GABPB2: variants seen among roughly 807,000 people sequenced by gnomAD.
GABPB2 encodes GA-binding protein subunit beta-2.
GABPB2 carries 23 observed loss-of-function variants against 39.1 expected under a neutral mutation model. That is an observed-to-expected ratio of 0.59 (90% CI 0.42 to 0.83). The LOEUF is 0.83. Ranked by LOEUF, GABPB2 falls within the 40% of genes least tolerant of loss-of-function variation. The pLI, the probability that GABPB2 is intolerant of heterozygous loss-of-function variation, is 0.00. For missense variants in GABPB2, 467 were observed against 541.1 expected, an observed-to-expected ratio of 0.86 and a Z score of 1.36; for synonymous variants, 184 against 199.3, an observed-to-expected ratio of 0.92 and a Z score of 0.65.
chr1:151,098,124 G>T, intron 5 of GABPB2, 122 bp downstream of exon 5: 1 of 806,154 alleles, frequency 1.2e-6, no homozygotes, highest in Admixed American at 2.8e-5. Flanking sequence ...CAAAGCAGAA[G>T]ATTTGTAATA....
chr1:151,106,930 T>C lies in GABPB2; in HGVS notation c.737-107T>C, dbSNP rs74436240. On this transcript the variant is annotated intron_variant, in intron 6 of 8. Transcript: ENST00000368918. Reference sequence around the variant, plus strand: ...AACTGTTGAATCTCACTTTTTTTTTTCAAATGTTCCTCTCCCTGAATGTTG... The same window carrying C: ...AACTGTTGAATCTCACTTTTTTTTTCCAAATGTTCCTCTCCCTGAATGTTG... The C allele has an allele frequency of 1.7e-3, 1,157 of 675,550 alleles. 1 individual carries two copies. The highest frequency in any genetic ancestry group is 2.4e-3 in the Non-Finnish European group (1,035 of 429,970). The allele number at this position is 675,550 out of a possible 1,614,324, so 41.8% of individuals were successfully genotyped here.
intron 5 of GABPB2, among the ~76,000 whole-genome samples, chr1:151,099,084 CAAAA>C (rs200277830): frequency 2.7e-5 from 3 of 110,636 alleles, no homozygotes; most frequent in African/African-American, 6.9e-5. Context: ...AACTTCATCT[CAAAA>C]AAAAAAAAAA....
chr1:151,073,569 T>C (rs1171263382), intron 1 of GABPB2, among the ~76,000 whole-genome samples: 1 of 150,666 alleles, frequency 6.6e-6, no homozygotes, highest in Non-Finnish European at 1.5e-5. Context: ...ATGCTGTGTT[T>C]TTTGTTTGTT....
intron 5 of GABPB2, among the ~76,000 whole-genome samples, chr1:151,099,429 C>T (rs147388276): frequency 0.011 from 1,648 of 152,202 alleles, 42 homozygotes; most frequent in African/African-American, 0.038. Context: ...ATCTCCTGAC[C>T]TCATGATCTA....
In GABPB2 at chr1:151,090,481, G is replaced by A. The variant is rs11204774; in HGVS notation, c.184G>A (p.Val62Ile). ...STAEVLLRAG[V>I]SRDARTKVDR... The stretch of plus-strand genomic sequence containing the variant: ...AGCAGAAGTACTCCTTCGAGCAGGT[G>A]TTAGCAGGGATGCCCGGACTAAAGT... Residue 62 changes from valine to isoleucine, a missense_variant, in exon 3 of 9, where the codon GTT (valine) becomes ATT (isoleucine). Val to Ile is a conservative substitution (Grantham distance 29). Transcript: ENST00000368918. 0.073 allele frequency: 117,542 copies of A among 1,613,866 alleles called. 4,879 individuals carry two copies. The highest frequency in any genetic ancestry group is 0.16 in the African/African-American group (11,621 of 74,954).
rs761543894 is a variant in GABPB2, at chr1:151,093,273, G to A, written c.358G>A (p.Val120Ile). 21 of 1,613,136 alleles carry A rather than the reference G, an allele frequency of 1.3e-5. No individual in the cohort carries two copies. Among genetic ancestry groups the A allele is most frequent in the African/African-American group, 4.0e-5 (3 of 74,878 alleles). Residue 120 changes from valine to isoleucine, a missense_variant, in exon 4 of 9, where the codon GTA becomes ATA. By Grantham distance (29) the Val-to-Ile change is conservative (BLOSUM62 3). Transcript: ENST00000368918. ...WATERHHRDV[V>I]ELLIKYGADV... The stretch of plus-strand genomic sequence containing the variant: ...CACAGAGCGCCACCATCGAGATGTC[G>A]TAGAGTTACTTATCAAATATGGAGC...
chr1:151,088,137 T>G, intron 1 of GABPB2, 53 bp from the exon 2 acceptor site: 1 of 1,269,986 alleles, frequency 7.9e-7, no homozygotes, highest in Non-Finnish European at 1.1e-6. Context: ...ATTGGCGGCT[T>G]TCCTTATGTT....
At chr1:151,107,805 G>T (rs150543320) in intron 7 of GABPB2, among the ~76,000 whole-genome samples, 1 of 151,958 alleles carries the variant, frequency 6.6e-6, no homozygotes, top group Non-Finnish European at 1.5e-5. Context: ...GCATGGTGGC[G>T]CACGCCTATA....
At position 151,101,259 on chromosome 1, in the gene GABPB2, ATAAAT is replaced by A. The variant is rs909871811; in HGVS notation, c.623-2299_623-2295del. Among the ~76,000 whole-genome samples the A allele has an allele frequency of 2.2e-4, 34 of 151,888 alleles. 3 individuals are homozygous for A. The highest frequency in any genetic ancestry group is 7.2e-4 in the Admixed American group (11 of 15,238). On this transcript the variant is annotated intron_variant, in intron 5 of 8. Transcript: ENST00000368918. ...TAATGCCAGAGTTTGTCTTGAAAAAATAAATTAAGAGTACATTTAAAAATAAAATA... is the reference window on the plus strand; with the variant it reads ...TAATGCCAGAGTTTGTCTTGAAAAAATAAGAGTACATTTAAAAATAAAATA...
chr1:151,109,364 A>ATATTTTTTT (rs779537595), intron 7 of GABPB2, among the ~76,000 whole-genome samples: 6 of 112,394 alleles, frequency 5.3e-5, no homozygotes, highest in East Asian at 2.8e-4. Flanking sequence ...ATATATATAT[A>ATATTTTTTT]TTTTTTTTTT....
At position 151,118,415 on chromosome 1, in the gene GABPB2, G is replaced by A. The variant is rs1452357892; in HGVS notation, c.*159G>A. The A allele has an allele frequency of 1.5e-6, 1 of 675,644 alleles. No homozygotes were observed. Among genetic ancestry groups the A allele is most frequent in the Non-Finnish European group, 2.3e-6 (1 of 427,164 alleles). 41.9% of individuals were successfully genotyped at this position (675,644 alleles called of 1,614,324 possible). A position where few individuals can be genotyped will look rare whatever the true frequency, so the allele number is the denominator to read the frequency against. ...CTCAGGAAGTTTCTCTGTGCAACTA[G>A]AAAATTCAAAGCCATATTTAGGGAA... On this transcript the variant is annotated 3_prime_UTR_variant, in exon 9 of 9. Coordinates refer to ENST00000368918, the MANE Select transcript of GABPB2 (RefSeq NM_144618.3).
intron 7 of GABPB2, among the ~76,000 whole-genome samples, chr1:151,111,633 C>T (rs1680437272): frequency 6.6e-6 from 1 of 151,406 alleles, no homozygotes; most frequent in South Asian, 2.1e-4. Flanking sequence ...ACTGTGGTCT[C>T]GATCTCCTGA....
intron 1 of GABPB2, among the ~76,000 whole-genome samples, chr1:151,085,910 A>G (rs911291389): frequency 6.6e-6 from 1 of 152,046 alleles, no homozygotes; most frequent in African/African-American, 2.4e-5. Flanking sequence ...TGGACAGATC[A>G]TGCAGAATAG....
At chr1:151,111,932 C>G (rs887851276) in intron 7 of GABPB2, 1 of 149,648 alleles carries the variant, frequency 6.7e-6, no homozygotes, top group Non-Finnish European at 1.5e-5. Flanking sequence ...TTAATGAAAC[C>G]TATATCCTGT....
chr1:151,073,366 A>AC (rs1676880271), intron 1 of GABPB2, among the ~76,000 whole-genome samples: 1 of 152,092 alleles, frequency 6.6e-6, no homozygotes, highest in South Asian at 2.1e-4. Flanking sequence ...ATGTATAGGG[A>AC]AAGTGGAGGT....
At chr1:151,088,389 A>G (rs1443769006) in intron 2 of GABPB2, 92 bp downstream of exon 2, 6 of 1,266,124 alleles carry the variant, frequency 4.7e-6, no homozygotes, top group Non-Finnish European at 6.7e-6. Flanking sequence ...GTTTTTCTTC[A>G]CTCCCTTTCT....
In GABPB2 at chr1:151,121,444, CTTT is replaced by C; in HGVS notation, c.*3197_*3199del. ...ACTGCTGGGTTTTCTTTTTCTTTTTCTTTTTTTTTTTGAGACGGAGTTTCACTC... is the reference window on the plus strand; with the variant it reads ...ACTGCTGGGTTTTCTTTTTCTTTTTCTTTTTTTTGAGACGGAGTTTCACTC... On this transcript the variant is annotated 3_prime_UTR_variant, in exon 9 of 9. Transcript: ENST00000368918. 1 of 147,830 alleles carries C rather than the reference CTTT, an allele frequency of 6.8e-6. No homozygotes were observed. Among genetic ancestry groups the C allele is most frequent in the East Asian group, 1.9e-4 (1 of 5,136 alleles). 9.2% of individuals were successfully genotyped at this position (147,830 alleles called of 1,614,324 possible). A position where few individuals can be genotyped will look rare whatever the true frequency, so the allele number is the denominator to read the frequency against.
chr1:151,090,594 AG>A, intron 3 of GABPB2, 21 bp downstream of exon 3: 1 of 1,611,368 alleles, frequency 6.2e-7, no homozygotes, highest in African/African-American at 1.3e-5. Context: ...AATAGGGGCA[AG>A]GTTATGTTGT....
chr1:151,089,761 A>G (rs1678509280), intron 2 of GABPB2, among the ~76,000 whole-genome samples: 1 of 152,018 alleles, frequency 6.6e-6, no homozygotes, highest in Non-Finnish European at 1.5e-5. Context: ...AAGTGCTGGG[A>G]TTGCAGGCAT....
Sources: allele counts gnomAD v4.1 joint callset (sites outside exome capture counted in the v4.1 genomes callset), GRCh38; gene constraint gnomAD v4.1.1; transcripts MANE v1.5; gene names NCBI Gene and HGNC (gene_info 2026-07-23, HGNC 2026-07-21).